Variants in DLGAP1 observed in about 807,000 individuals in gnomAD.
The protein encoded by DLGAP1 is disks large-associated protein 1.
A neutral mutation model predicts 90.8 loss-of-function variants in DLGAP1; 11 were observed. That is an observed-to-expected ratio of 0.12 (90% confidence interval 0.08 to 0.20). The LOEUF is 0.20. DLGAP1 is among the 10% of genes least tolerant of loss of function. DLGAP1 has a pLI of 1.00. For missense variants in DLGAP1, 1,050 were observed against 1,333.8 expected (o/e 0.79, Z 3.31); for synonymous variants, 558 against 540.7 (o/e 1.03, Z -0.44).
At chr18:4,175,506 G>GAAT (rs1286905052) in intron 1 of DLGAP1, among the ~76,000 whole-genome samples, 18 of 152,088 alleles carry the variant, frequency 1.2e-4, no homozygotes, top group African/African-American at 4.4e-4. Flanking sequence ...CCTATGTCCT[G>GAAT]AATGGTATTG....
chr18:3,842,389 A>C (rs936630305), intron 4 of DLGAP1, among the ~76,000 whole-genome samples: 1 of 152,176 alleles, frequency 6.6e-6, no homozygotes, highest in Non-Finnish European at 1.5e-5. Flanking sequence ...TTTAAGCAGA[A>C]GATTTAATGA....
intron 4 of DLGAP1, among the ~76,000 whole-genome samples, chr18:3,866,078 G>A (rs2070364191): frequency 6.6e-6 from 1 of 152,146 alleles, no homozygotes; most frequent in African/African-American, 2.4e-5. Flanking sequence ...AAGGTATGAA[G>A]GTAACATAAG....
At chr18:3,972,490 G>A (rs1008620783) in intron 3 of DLGAP1, among the ~76,000 whole-genome samples, 1 of 147,808 alleles carries the variant, frequency 6.8e-6, no homozygotes, top group Non-Finnish European at 1.5e-5. Context: ...TGAGGCAGTT[G>A]AGTCACACAC....
intron 9 of DLGAP1, among the ~76,000 whole-genome samples, chr18:3,553,828 C>T (rs751237040): frequency 3.9e-5 from 6 of 151,992 alleles, no homozygotes; most frequent in Non-Finnish European, 5.9e-5. Flanking sequence ...CCACCACGCC[C>T]GGCCCACACA....
chr18:4,453,305 A>G (rs1598445988), intron 1 of DLGAP1, among the ~76,000 whole-genome samples: 1 of 152,234 alleles, frequency 6.6e-6, no homozygotes, highest in Non-Finnish European at 1.5e-5. Context: ...CATTTTGCAT[A>G]GACATATTCA....
intron 3 of DLGAP1, among the ~76,000 whole-genome samples, chr18:4,003,708 G>A (rs2074245017): frequency 1.3e-5 from 2 of 152,134 alleles, no homozygotes; most frequent in African/African-American, 4.8e-5. Context: ...GGCTGGGAAG[G>A]GAGATGTAAG....
chr18:4,115,262 A>G (rs996860868), intron 2 of DLGAP1, among the ~76,000 whole-genome samples: 1 of 151,854 alleles, frequency 6.6e-6, no homozygotes, highest in Non-Finnish European at 1.5e-5. Context: ...TTTGGGTACT[A>G]TTAATGTTGT....
chr18:3,608,989 C>T (rs1227762028), intron 7 of DLGAP1, among the ~76,000 whole-genome samples: 1 of 152,180 alleles, frequency 6.6e-6, no homozygotes, highest in Non-Finnish European at 1.5e-5. Context: ...GCATGTGCCA[C>T]CACGCCTGGC....
At chr18:4,093,093 T>G (rs987855421) in intron 2 of DLGAP1, among the ~76,000 whole-genome samples, 6 of 152,208 alleles carry the variant, frequency 3.9e-5, no homozygotes, top group Admixed American at 6.5e-5. Context: ...TTATCTTGCT[T>G]TTCCTTAGCC....
intron 2 of DLGAP1, among the ~76,000 whole-genome samples, chr18:4,051,435 A>C (rs1270206960): frequency 6.6e-6 from 1 of 152,210 alleles, no homozygotes; most frequent in Non-Finnish European, 1.5e-5. Flanking sequence ...AGAAATGCAA[A>C]GTGAAGTGGG....
intron 7 of DLGAP1, among the ~76,000 whole-genome samples, chr18:3,675,796 C>T (rs1427456243): frequency 6.6e-6 from 1 of 152,200 alleles, no homozygotes; most frequent in East Asian, 1.9e-4. Flanking sequence ...GAGGGGATTT[C>T]TCCTTTGTAG....
At chr18:3,975,349 G>A (rs1355952963) in intron 3 of DLGAP1, among the ~76,000 whole-genome samples, 2 of 152,086 alleles carry the variant, frequency 1.3e-5, no homozygotes, top group African/African-American at 2.4e-5. Context: ...TACATGAAAA[G>A]ATGTTCAACA....
Position 3,918,895 on chromosome 18 carries a change from A to G in DLGAP1, c.-72-38755T>C, listed in dbSNP as rs546813632. 2.1e-4 allele frequency among the ~76,000 whole-genome samples: 32 copies of G among 152,306 alleles called. 1 individual carries two copies. The highest frequency in any genetic ancestry group is 7.2e-4 in the African/African-American group (30 of 41,564). On this transcript the variant is annotated intron_variant, in intron 3 of 12. Transcript: ENST00000315677. Reference sequence around the variant, plus strand: ...AAAGCTCATGAAAGATGTTGCAAGCACTAGAGATGCGTAGCTTAGGAACCT... The same window carrying G: ...AAAGCTCATGAAAGATGTTGCAAGCGCTAGAGATGCGTAGCTTAGGAACCT...
intron 2 of DLGAP1, among the ~76,000 whole-genome samples, chr18:4,019,691 C>A (rs1351734366): frequency 6.6e-6 from 1 of 152,080 alleles, no homozygotes; most frequent in Admixed American, 6.5e-5. Flanking sequence ...TAGAATATAT[C>A]ATTTAACTAG....
chr18:3,641,863 G>A (rs2058958509), intron 7 of DLGAP1, among the ~76,000 whole-genome samples: 1 of 152,112 alleles, frequency 6.6e-6, no homozygotes, highest in Non-Finnish European at 1.5e-5. Flanking sequence ...TGAAAAAAGA[G>A]TCACTGGCTC....
chr18:4,317,433 T>G (rs1478471074), intron 1 of DLGAP1, among the ~76,000 whole-genome samples: 1 of 152,240 alleles, frequency 6.6e-6, no homozygotes, highest in African/African-American at 2.4e-5. Flanking sequence ...TATCATGACA[T>G]AGAATTACCT....
At chr18:3,984,862 C>T (rs914134761) in intron 3 of DLGAP1, among the ~76,000 whole-genome samples, 1 of 151,986 alleles carries the variant, frequency 6.6e-6, no homozygotes, top group African/African-American at 2.4e-5. Flanking sequence ...TTCTGAAGGC[C>T]CTGGCATATT....
In DLGAP1 at chr18:3,496,250, T is replaced by C. The variant is rs1568072033; in HGVS notation, c.*2935A>G. On this transcript the variant is annotated 3_prime_UTR_variant, in exon 13 of 13. Coordinates refer to ENST00000315677, the MANE Select transcript of DLGAP1 (RefSeq NM_004746.4). ...AATTTTTAAAAATTACATTTGGGAA[T>C]TCAGATATGCTAGTGATTTACATTC... 6.6e-6 allele frequency: 1 copy of C among 152,188 alleles called. No individual in the cohort carries two copies. Among genetic ancestry groups the C allele is most frequent in the Non-Finnish European group, 1.5e-5 (1 of 68,026 alleles). 9.4% of individuals were successfully genotyped at this position (152,188 alleles called of 1,614,324 possible).
chr18:3,564,680 C>T (rs1209804730), intron 9 of DLGAP1, among the ~76,000 whole-genome samples: 1 of 152,104 alleles, frequency 6.6e-6, no homozygotes, highest in African/African-American at 2.4e-5. Flanking sequence ...GAGCTTTTAA[C>T]TCTCAGAGTT....
Sources: allele counts gnomAD v4.1 joint callset (sites outside exome capture counted in the v4.1 genomes callset), GRCh38; gene constraint gnomAD v4.1.1; transcripts MANE v1.5; gene names NCBI Gene and HGNC (gene_info 2026-07-23, HGNC 2026-07-21).